Variants in OSBPL3 observed in about 807,000 individuals in gnomAD.
OSBPL3 encodes the protein oxysterol-binding protein-related protein 3.
In OSBPL3, 65 loss-of-function variants were observed where a neutral mutation model predicts 120.1. That is an observed-to-expected ratio of 0.54 (90% CI 0.44 to 0.67). The LOEUF (loss-of-function observed/expected upper bound fraction) is 0.67, where lower values mean the gene tolerates loss of function less well. Among genes scored for constraint, OSBPL3 ranks in the 30% least tolerant of loss-of-function variants. OSBPL3 has a pLI of 0.00. For missense variants in OSBPL3, 1,004 were observed against 1,082.1 expected, an observed-to-expected ratio of 0.93 and a Z score of 1.01; for synonymous variants, 416 against 402.6, an observed-to-expected ratio of 1.03 and a Z score of -0.40.
At position 24,798,029 on chromosome 7, in the gene OSBPL3, T is replaced by C. The variant is rs562422107; in HGVS notation, c.*2154A>G. 1 of 152,306 alleles carries C rather than the reference T, an allele frequency of 6.6e-6. No individual in the cohort carries two copies. The highest frequency in any genetic ancestry group is 2.4e-5 in the African/African-American group (1 of 41,578). The allele number at this position is 152,306 out of a possible 1,614,324, so 9.4% of individuals were successfully genotyped here. ...GCTGTTTAAATTTCAGAAAAGCCCTTTATAGATGCTAGTACTGACTAGATT... is the reference window on the plus strand; with the variant it reads ...GCTGTTTAAATTTCAGAAAAGCCCTCTATAGATGCTAGTACTGACTAGATT... On this transcript the variant is annotated 3_prime_UTR_variant, in exon 23 of 23. Coordinates refer to ENST00000313367, the MANE Select transcript of OSBPL3 (RefSeq NM_015550.4). This position sits in a 1 kb window ranked among gnomAD's most constrained non-coding sequence, Gnocchi z 4.6.
intron 1 of OSBPL3, among the ~76,000 whole-genome samples, chr7:24,905,169 T>C (rs1179984129): frequency 6.9e-6 from 1 of 144,406 alleles, no homozygotes; most frequent in Non-Finnish European, 1.6e-5. Context: ...TGGAAACTCT[T>C]CACAAAGCAT....
At chr7:24,832,350 A>C (rs1448494385) in intron 15 of OSBPL3, among the ~76,000 whole-genome samples, 1 of 151,702 alleles carries the variant, frequency 6.6e-6, no homozygotes, top group African/African-American at 2.4e-5. Context: ...TCTCTACTAA[A>C]AATACAAAAA....
At chr7:24,801,529 A>G (rs1341192874) in intron 22 of OSBPL3, among the ~76,000 whole-genome samples, 1 of 152,180 alleles carries the variant, frequency 6.6e-6, no homozygotes, top group Non-Finnish European at 1.5e-5. Flanking sequence ...TGTACCAGAC[A>G]CTGTTCTACC....
At chr7:24,925,359 A>G (rs910321248) in intron 1 of OSBPL3, among the ~76,000 whole-genome samples, 5 of 152,210 alleles carry the variant, frequency 3.3e-5, no homozygotes, top group Non-Finnish European at 1.5e-5. Context: ...ATGTCTGCCT[A>G]TAATACATGT....
intron 1 of OSBPL3, among the ~76,000 whole-genome samples, chr7:24,927,456 G>C (rs575044490): frequency 1.3e-5 from 2 of 152,198 alleles, no homozygotes; most frequent in African/African-American, 4.8e-5. Context: ...GGCATTTCTT[G>C]GGGTATTATT....
At chr7:24,826,992 C>T (rs1795788385) in intron 16 of OSBPL3, among the ~76,000 whole-genome samples, 1 of 152,204 alleles carries the variant, frequency 6.6e-6, no homozygotes, top group Non-Finnish European at 1.5e-5. Context: ...CCAACTCAGA[C>T]TGTTGTCTAG....
chr7:24,909,839 C>A (rs556221151), intron 1 of OSBPL3, among the ~76,000 whole-genome samples: 4 of 124,498 alleles, frequency 3.2e-5, no homozygotes, highest in African/African-American at 9.6e-5. Flanking sequence ...CTCGCCCAGG[C>A]TGGAGCGCAG....
At chr7:24,957,851 C>CAG (rs1299560345) in intron 1 of OSBPL3, among the ~76,000 whole-genome samples, 1 of 152,138 alleles carries the variant, frequency 6.6e-6, no homozygotes, top group Non-Finnish European at 1.5e-5. Flanking sequence ...CTTGTTTTAT[C>CAG]AGAAACATGT....
Position 24,933,165 on chromosome 7 carries a change from T to A in OSBPL3, c.-149-40544A>T, listed in dbSNP as rs1811998292. 6.6e-6 allele frequency among the ~76,000 whole-genome samples: 1 copy of A among 152,128 alleles called. No homozygotes were observed. The highest frequency in any genetic ancestry group is 1.5e-5 in the Non-Finnish European group (1 of 68,026). On this transcript the variant is annotated intron_variant, in intron 1 of 22. Transcript: ENST00000313367. The surrounding 1 kb of genome is among the most constrained non-coding windows in gnomAD (Gnocchi z 5.1). The stretch of plus-strand genomic sequence containing the variant: ...CCCAGCTGAGAGGGGGGTTCGCTGC[T>A]CAAGGTTAAAATGGGGAATAAAGAG...
intron 1 of OSBPL3, among the ~76,000 whole-genome samples, chr7:24,901,908 A>T (rs1336752161): frequency 6.6e-6 from 1 of 152,248 alleles, no homozygotes; most frequent in East Asian, 1.9e-4. Context: ...CTACAATGAG[A>T]TAATTGCTGC....
rs546950818 is a variant in OSBPL3 at position 24,947,055 on chromosome 7, G to A, written c.-150+32831C>T. Among the ~76,000 whole-genome samples, 87 of 152,298 alleles carry A rather than the reference G, an allele frequency of 5.7e-4. 1 individual carries two copies. In the South Asian group the frequency reaches 0.017, roughly 31 times the overall value. ...AAACAATCTGTACCACAGAAGGCTG[G>A]ACTGCTGAGTTCTAGCAAGGCATAG... On this transcript the variant is annotated intron_variant, in intron 1 of 22. Coordinates refer to ENST00000313367, the MANE Select transcript of OSBPL3 (RefSeq NM_015550.4). This position sits in a 1 kb window ranked among gnomAD's most constrained non-coding sequence, Gnocchi z 4.4.
intron 14 of OSBPL3, among the ~76,000 whole-genome samples, chr7:24,838,617 AG>A (rs1797308823): frequency 6.6e-6 from 1 of 152,190 alleles, no homozygotes; most frequent in Non-Finnish European, 1.5e-5. Flanking sequence ...CTGTGGACTT[AG>A]GTTCTGAACC....
chr7:24,814,283 G>T (rs1407415143), intron 19 of OSBPL3, among the ~76,000 whole-genome samples: 3 of 91,128 alleles, frequency 3.3e-5, no homozygotes. Flanking sequence ...GGAACGAGGT[G>T]GCGTGTGTGT....
intron 2 of OSBPL3, among the ~76,000 whole-genome samples, chr7:24,882,700 A>G (rs1044049151): frequency 6.6e-6 from 1 of 152,216 alleles, no homozygotes; most frequent in Admixed American, 6.5e-5. Context: ...TCCCATTGAC[A>G]GTGTGAAAGA....
At chr7:24,840,963 T>C (rs1797666613) in intron 13 of OSBPL3, among the ~76,000 whole-genome samples, 180 bp from the exon 14 acceptor site, 1 of 152,234 alleles carries the variant, frequency 6.6e-6, no homozygotes, top group Non-Finnish European at 1.5e-5. Context: ...CAAACACCTG[T>C]TCTTAAAATT....
In OSBPL3 at chr7:24,870,791, C is replaced by G; in HGVS notation, c.322G>C (p.Val108Leu). 6.2e-7 allele frequency: 1 copy of G among 1,613,914 alleles called. No homozygotes were observed. ...TCTATGCATTTTGATGACTTCTTTA[C>G]AGACATCACTGAGAGCCCGACATCA... ...CIDVGLSVMS[V>L]KKSSKCIDLD... The change falls in exon 5 of 23, where the codon GTA becomes CTA. Residue 108 changes from valine to leucine, a missense_variant. By Grantham distance (32) the Val-to-Leu change is conservative (BLOSUM62 1). Coordinates refer to ENST00000313367, the MANE Select transcript of OSBPL3 (RefSeq NM_015550.4).
At chr7:24,909,783 C>CTTTTTTTTTTTTT (rs10591188) in intron 1 of OSBPL3, among the ~76,000 whole-genome samples, 1 of 77,294 alleles carries the variant, frequency 1.3e-5, no homozygotes, top group South Asian at 5.3e-4. Context: ...TTTTTTCTTT[C>CTTTTTTTTTTTTT]TTTTTTTTTT....
chr7:24,845,585 G>T (rs1584348772), intron 12 of OSBPL3, among the ~76,000 whole-genome samples: 1 of 146,818 alleles, frequency 6.8e-6, no homozygotes, highest in Non-Finnish European at 1.5e-5. Flanking sequence ...ATCTCAGTCT[G>T]TCAATTTCAC....
intron 1 of OSBPL3, among the ~76,000 whole-genome samples, chr7:24,903,836 T>C (rs369840825): frequency 6.6e-6 from 1 of 151,648 alleles, no homozygotes; most frequent in Non-Finnish European, 1.5e-5. Context: ...TAGGGTTGAC[T>C]TCATCAGGCT....
Sources: allele counts gnomAD v4.1 joint callset (sites outside exome capture counted in the v4.1 genomes callset), GRCh38; gene constraint gnomAD v4.1.1; non-coding constraint Gnocchi (gnomAD v3.1); transcripts MANE v1.5; gene names NCBI Gene and HGNC (gene_info 2026-07-23, HGNC 2026-07-21).